The following HS6ST3 variants were observed in gnomAD, a reference collection of about 807,000 sequenced individuals.
HS6ST3 encodes heparan-sulfate 6-O-sulfotransferase 3.
In HS6ST3, 12 loss-of-function variants were observed where a neutral mutation model predicts 36.7. The observed-to-expected ratio is 0.33, with a 90% CI of 0.21 to 0.53. The LOEUF (loss-of-function observed/expected upper bound fraction) is 0.53. Among genes scored for constraint, HS6ST3 ranks in the 20% least tolerant of loss-of-function variants. The pLI, the probability that HS6ST3 is intolerant of heterozygous loss-of-function variation, is 0.95. For synonymous variants in HS6ST3, 240 were observed against 257.5 expected, an observed-to-expected ratio of 0.93 and a Z score of 0.65; for missense variants, 584 against 640.9, an observed-to-expected ratio of 0.91 and a Z score of 0.96.
intron 1 of HS6ST3, among the ~76,000 whole-genome samples, chr13:96,639,178 T>A (rs999610309): frequency 1.1e-4 from 16 of 152,056 alleles, no homozygotes; most frequent in African/African-American, 3.9e-4. Context: ...TCCCTTAAAT[T>A]CTGAGTTTTT....
At chr13:96,600,590 C>T (rs1259441717) in intron 1 of HS6ST3, among the ~76,000 whole-genome samples, 1 of 151,946 alleles carries the variant, frequency 6.6e-6, no homozygotes, top group African/African-American at 2.4e-5. Context: ...TTGAAGACAG[C>T]ATATATTTGG....
chr13:96,526,860 A>T (rs2056116363), intron 1 of HS6ST3, among the ~76,000 whole-genome samples: 1 of 152,196 alleles, frequency 6.6e-6, no homozygotes, highest in Admixed American at 6.5e-5. Context: ...AATGTAGCTA[A>T]TCTGAATGGA....
chr13:96,782,317 A>T (rs1211407081), intron 1 of HS6ST3, among the ~76,000 whole-genome samples: 1 of 152,186 alleles, frequency 6.6e-6, no homozygotes, highest in African/African-American at 2.4e-5. Context: ...TGTTCTCCAA[A>T]ACAGTCGCCA....
chr13:96,525,358 A>G (rs1290205316), intron 1 of HS6ST3, among the ~76,000 whole-genome samples: 4 of 152,178 alleles, frequency 2.6e-5, no homozygotes, highest in South Asian at 2.1e-4. Context: ...GTATATTTCT[A>G]TAGCCACCCA....
chr13:96,141,617 G>A (rs1331059266), intron 1 of HS6ST3, among the ~76,000 whole-genome samples: 4 of 152,090 alleles, frequency 2.6e-5, no homozygotes, highest in Non-Finnish European at 5.9e-5. Flanking sequence ...GAGCTACCAT[G>A]CCTGGCCTAG....
intron 1 of HS6ST3, among the ~76,000 whole-genome samples, chr13:96,627,866 G>A (rs1318856252): frequency 2.6e-5 from 4 of 151,866 alleles, no homozygotes; most frequent in African/African-American, 9.6e-5. Flanking sequence ...TGCATCTGAA[G>A]TTATATCTTC....
chr13:96,202,409 A>G (rs1398959321), intron 1 of HS6ST3, among the ~76,000 whole-genome samples: 1 of 152,144 alleles, frequency 6.6e-6, no homozygotes. Context: ...AAATGCCTTT[A>G]TTCCCTGCCC....
At chr13:96,485,943 C>T (rs2055912025) in intron 1 of HS6ST3, among the ~76,000 whole-genome samples, 1 of 151,802 alleles carries the variant, frequency 6.6e-6, no homozygotes, top group South Asian at 2.1e-4. Context: ...ATACATGTGC[C>T]ATGTTGGTGT....
At chr13:96,110,430 TTG>T (rs1225722849) in intron 1 of HS6ST3, among the ~76,000 whole-genome samples, 41 of 148,962 alleles carry the variant, frequency 2.8e-4, no homozygotes, top group African/African-American at 9.3e-4. Context: ...CTTTTTTAAT[TTG>T]TGTGTGTGTG....
At chr13:96,203,719 A>C (rs1158821559) in intron 1 of HS6ST3, among the ~76,000 whole-genome samples, 1 of 152,178 alleles carries the variant, frequency 6.6e-6, no homozygotes, top group East Asian at 1.9e-4. Flanking sequence ...TTAGAGGGAA[A>C]CACTGGCAGT....
At chr13:96,176,891 C>T (rs1027558607) in intron 1 of HS6ST3, among the ~76,000 whole-genome samples, 1 of 152,270 alleles carries the variant, frequency 6.6e-6, no homozygotes, top group East Asian at 1.9e-4. Context: ...GGTCTAATAT[C>T]CAGCATCTAT....
intron 1 of HS6ST3, among the ~76,000 whole-genome samples, chr13:96,421,375 G>GGAAAA (rs1467521693): frequency 1.3e-5 from 2 of 152,136 alleles, no homozygotes; most frequent in African/African-American, 4.8e-5. Context: ...TTCAGGGGAG[G>GGAAAA]GAAAAGATCT....
At chr13:96,758,236 C>A (rs912010871) in intron 1 of HS6ST3, among the ~76,000 whole-genome samples, 5 of 151,708 alleles carry the variant, frequency 3.3e-5, no homozygotes, top group Admixed American at 6.6e-5. Context: ...AAAGTTGTTC[C>A]TTTTAAAATC....
At chr13:96,625,864 G>C (rs2056510406) in intron 1 of HS6ST3, among the ~76,000 whole-genome samples, 1 of 150,166 alleles carries the variant, frequency 6.7e-6, no homozygotes. Context: ...TATTCGAGAC[G>C]GAGTCTTGCT....
rs371369443 is a variant in HS6ST3 at position 96,838,082 on chromosome 13, G to T, written c.*4884G>T. 1.2e-4 allele frequency: 19 copies of T among 152,198 alleles called. No homozygotes were observed. The South Asian group carries it at 1.9e-3, about 15-fold the overall frequency. 9.4% of individuals were successfully genotyped at this position (152,198 alleles called of 1,614,324 possible). On this transcript the variant is annotated 3_prime_UTR_variant, in exon 2 of 2. Coordinates refer to ENST00000376705, the MANE Select transcript of HS6ST3 (RefSeq NM_153456.4). Reference sequence around the variant, plus strand: ...TCTCTATCTGAGGTCCTGTATAGTGGGATCATTTAGAGATGGGGGTTAGGG... The same window carrying T: ...TCTCTATCTGAGGTCCTGTATAGTGTGATCATTTAGAGATGGGGGTTAGGG...
At chr13:96,554,925 A>G (rs1393822491) in intron 1 of HS6ST3, among the ~76,000 whole-genome samples, 2 of 151,864 alleles carry the variant, frequency 1.3e-5, no homozygotes, top group African/African-American at 2.4e-5. Flanking sequence ...CAAAACATAC[A>G]AAAAATTAAT....
At chr13:96,241,171 A>G (rs2139372575) in intron 1 of HS6ST3, among the ~76,000 whole-genome samples, 1 of 152,180 alleles carries the variant, frequency 6.6e-6, no homozygotes, top group South Asian at 2.1e-4. Context: ...AAAATGAAAG[A>G]AACGCCTAAT....
chr13:96,125,267 G>A (rs1394871204), intron 1 of HS6ST3, among the ~76,000 whole-genome samples: 2 of 152,038 alleles, frequency 1.3e-5, no homozygotes, highest in African/African-American at 2.4e-5. Flanking sequence ...TACAACTGGG[G>A]GAAATATTTA....
chr13:96,549,080 CG>C (rs2056209001), intron 1 of HS6ST3, among the ~76,000 whole-genome samples: 1 of 152,208 alleles, frequency 6.6e-6, no homozygotes, highest in South Asian at 2.1e-4. Flanking sequence ...ATTCCTCATA[CG>C]GTGCAGTTTG....
Sources: allele counts gnomAD v4.1 joint callset (sites outside exome capture counted in the v4.1 genomes callset), GRCh38; gene constraint gnomAD v4.1.1; transcripts MANE v1.5; gene names NCBI Gene and HGNC (gene_info 2026-07-23, HGNC 2026-07-21).